Variants in COL22A1 observed in about 807,000 individuals in gnomAD.
COL22A1 encodes the protein collagen type XXII alpha 1 chain.
COL22A1 carries 221 observed loss-of-function variants against 248.9 expected under a neutral mutation model. The observed-to-expected ratio is 0.89, with a 90% CI of 0.80 to 0.99. The LOEUF (loss-of-function observed/expected upper bound fraction) is 0.99, where lower values mean the gene tolerates loss of function less well. Ranked by LOEUF, COL22A1 falls within the 50% of genes least tolerant of loss-of-function variation. The pLI is 0.00. For missense variants in COL22A1, 2,240 were observed against 2,179.0 expected, an observed-to-expected ratio of 1.03 and a Z score of -0.56; for synonymous variants, 891 against 793.4, an observed-to-expected ratio of 1.12 and a Z score of -2.07.
At chr8:138,692,458 AGTGCATGTG>A (rs1827156617) in intron 35 of COL22A1, among the ~76,000 whole-genome samples, 1 of 75,278 alleles carries the variant, frequency 1.3e-5, no homozygotes, top group Admixed American at 1.2e-4. Flanking sequence ...TGTGTGTGTG[AGTGCATGTG>A]TGTGTGTGTG....
At chr8:138,684,581 A>G in intron 38 of COL22A1, 112 bp from the exon 39 acceptor site, 1 of 783,744 alleles carries the variant, frequency 1.3e-6, no homozygotes, top group Non-Finnish European at 2.3e-6. Context: ...GATGGGTGAG[A>G]CTCACTATGA....
chr8:138,862,040 A>AAAAAAAAAAAAAAAAAAAAAAAG, intron 3 of COL22A1, among the ~76,000 whole-genome samples: 1 of 146,956 alleles, frequency 6.8e-6, no homozygotes, highest in African/African-American at 2.6e-5. Flanking sequence ...AAAAAAAAAA[A>AAAAAAAAAAAAAAAAAAAAAAAG]AAAAAAAGAA....
intron 1 of COL22A1, among the ~76,000 whole-genome samples, chr8:138,904,382 C>G (rs911372509): frequency 6.6e-6 from 1 of 152,090 alleles, no homozygotes; most frequent in Non-Finnish European, 1.5e-5. Context: ...CTGGCCCAAC[C>G]CCTGCGGCCT....
At chr8:138,846,362 T>C (rs756725698) in intron 3 of COL22A1, among the ~76,000 whole-genome samples, 4 of 152,172 alleles carry the variant, frequency 2.6e-5, no homozygotes, top group Non-Finnish European at 5.9e-5. Context: ...GACCTCAGAG[T>C]AGGCTGCTCC....
intron 12 of COL22A1, among the ~76,000 whole-genome samples, chr8:138,790,251 A>G (rs1445646785): frequency 2.6e-5 from 4 of 152,168 alleles, no homozygotes; most frequent in African/African-American, 9.7e-5. Flanking sequence ...TGACATGGTG[A>G]AAAGGACAAA....
chr8:138,860,222 C>G (rs934636764), intron 3 of COL22A1, among the ~76,000 whole-genome samples: 1 of 152,196 alleles, frequency 6.6e-6, no homozygotes, highest in African/African-American at 2.4e-5. Flanking sequence ...GCTCTCTTTT[C>G]ACTTCTTTAA....
Position 138,608,003 on chromosome 8 carries a change from CAG to C in COL22A1, c.3979-16_3979-15del, listed in dbSNP as rs1564090649. On this transcript the variant is annotated splice_polypyrimidine_tract_variant and intron_variant, in intron 56 of 64. Transcript: ENST00000303045. Reference sequence around the variant, plus strand: ...TCCATTCTTGCCCTGGTGGAAGAAACAGAGGTAATCATCCTGCCAGGGCATCA... The same window carrying C: ...TCCATTCTTGCCCTGGTGGAAGAAACAGGTAATCATCCTGCCAGGGCATCA... The C allele has an allele frequency of 6.2e-7, 1 of 1,613,620 alleles. No homozygotes were observed. The highest frequency in any genetic ancestry group is 1.3e-5 in the African/African-American group (1 of 75,020).
At chr8:138,671,451 C>T (rs943265747) in intron 41 of COL22A1, among the ~76,000 whole-genome samples, 3 of 152,182 alleles carry the variant, frequency 2.0e-5, no homozygotes, top group Admixed American at 6.5e-5. Context: ...CCTCCTGTTG[C>T]GATTGTGGTG....
intron 7 of COL22A1, among the ~76,000 whole-genome samples, chr8:138,817,625 GT>G: frequency 6.6e-6 from 1 of 152,292 alleles, no homozygotes; most frequent in Non-Finnish European, 1.5e-5. Flanking sequence ...CCAATCCCCT[GT>G]TTAGGGGTCG....
chr8:138,821,538 C>A, intron 6 of COL22A1, 127 bp from the exon 7 acceptor site: 1 of 921,692 alleles, frequency 1.1e-6, no homozygotes, highest in Non-Finnish European at 1.7e-6. Flanking sequence ...CTCTTACCAG[C>A]TGGTCACCTG....
chr8:138,844,148 A>T lies in COL22A1; in HGVS notation c.669T>A (p.Cys223Ter). ...LRRRLCENVL[C>*]PSVRVEGDRF... ...GATCTCCTTCTACACGAACGCTAGGACAGAGCACATCTGAGGAAAGCAAGA... is the reference window on the plus strand; with the variant it reads ...GATCTCCTTCTACACGAACGCTAGGTCAGAGCACATCTGAGGAAAGCAAGA... Residue 223 changes from cysteine (C) to a stop codon, truncating the protein, a stop_gained, in exon 4 of 65, where the codon TGT (cysteine) becomes TGA (stop). Coordinates refer to ENST00000303045, the MANE Select transcript of COL22A1 (RefSeq NM_152888.3). LOFTEE classifies it high-confidence loss of function. The T allele has an allele frequency of 1.2e-6, 2 of 1,614,160 alleles. No homozygotes were observed. Among genetic ancestry groups the T allele is most frequent in the Non-Finnish European group, 1.7e-6 (2 of 1,179,992 alleles).
intron 22 of COL22A1, among the ~76,000 whole-genome samples, chr8:138,744,293 C>A (rs1052136545): frequency 2.6e-5 from 4 of 152,216 alleles, no homozygotes; most frequent in Admixed American, 2.0e-4. Context: ...GGCCAGATAA[C>A]CTTCAACAAT....
chr8:138,718,914 G>A (rs1214943827), intron 27 of COL22A1, among the ~76,000 whole-genome samples: 3 of 152,148 alleles, frequency 2.0e-5, no homozygotes, highest in East Asian at 1.9e-4. Context: ...TTTTAGCCCA[G>A]TAATTGTCGT....
chr8:138,655,068 G>T (rs1823110657), intron 45 of COL22A1, among the ~76,000 whole-genome samples: 1 of 152,156 alleles, frequency 6.6e-6, no homozygotes, highest in South Asian at 2.1e-4. Context: ...TGGTGTCAGC[G>T]AGAAAGGATT....
chr8:138,662,511 G>T (rs537203548), intron 42 of COL22A1, among the ~76,000 whole-genome samples: 3 of 152,136 alleles, frequency 2.0e-5, no homozygotes, highest in Non-Finnish European at 4.4e-5. Context: ...TATGCCTGGC[G>T]ATTACAACTC....
chr8:138,611,955 T>G (rs1241263406), intron 56 of COL22A1, among the ~76,000 whole-genome samples: 1 of 152,248 alleles, frequency 6.6e-6, no homozygotes, highest in Admixed American at 6.5e-5. Flanking sequence ...GACCTAGACT[T>G]GGGAAGCCAA....
At chr8:138,876,389 C>T (rs59605325) in intron 3 of COL22A1, among the ~76,000 whole-genome samples, 7,296 of 152,232 alleles carry the variant, frequency 0.048, 594 homozygotes, top group African/African-American at 0.17. Flanking sequence ...AGTTTACCTG[C>T]CCGGTATCAC....
intron 59 of COL22A1, among the ~76,000 whole-genome samples, chr8:138,603,772 G>A (rs1399629689): frequency 3.9e-5 from 6 of 152,138 alleles, no homozygotes; most frequent in African/African-American, 9.7e-5. Context: ...GAAGCTATCC[G>A]ACTCAGCTTC....
chr8:138,671,458 G>C (rs923087055), intron 41 of COL22A1, among the ~76,000 whole-genome samples: 1 of 152,198 alleles, frequency 6.6e-6, no homozygotes, highest in Non-Finnish European at 1.5e-5. Flanking sequence ...TTGCGATTGT[G>C]GTGAGCTCAA....
Sources: gnomAD v4.1 joint callset for allele counts (sites outside exome capture counted in the v4.1 genomes callset) on GRCh38, gnomAD v4.1.1 for gene constraint, MANE v1.5 for transcripts, NCBI Gene and HGNC (gene_info 2026-07-23, HGNC 2026-07-21) for gene names.